The following RGS6 variants were observed in gnomAD, a reference collection of about 807,000 sequenced individuals.
RGS6 encodes regulator of G-protein signaling 6.
A neutral mutation model predicts 78.5 loss-of-function variants in RGS6; 30 were observed. The ratio of observed to expected loss-of-function variants is 0.38; its 90% confidence interval spans 0.29 to 0.52. RGS6 has a LOEUF of 0.52. RGS6 is among the 20% of genes least tolerant of loss of function. RGS6 has a pLI of 0.85. For missense variants in RGS6, 495 were observed against 609.7 expected (o/e 0.81, Z 1.98); for synonymous variants, 206 against 206.0 (o/e 1.00, Z 0.00).
intron 2 of RGS6, among the ~76,000 whole-genome samples, chr14:72,040,960 T>A (rs969736494): frequency 2.0e-5 from 3 of 150,212 alleles, no homozygotes; most frequent in African/African-American, 7.3e-5. Context: ...TTATTCATTC[T>A]TCATTTTTTG....
chr14:72,619,029 G>T, the RGS6 span, among the ~76,000 whole-genome samples: 1 of 152,216 alleles, frequency 6.6e-6, no homozygotes, highest in Non-Finnish European at 1.5e-5. Flanking sequence ...AGTGAGAGGG[G>T]TTCCACAGGG....
At chr14:72,063,625 A>G (rs1425695192) in intron 2 of RGS6, among the ~76,000 whole-genome samples, 3 of 152,190 alleles carry the variant, frequency 2.0e-5, no homozygotes, top group African/African-American at 7.2e-5. Flanking sequence ...TACACTTGAA[A>G]GCTGATCATT....
At position 72,251,216 on chromosome 14, in the gene RGS6, GT is replaced by G. The variant is rs1388454651; in HGVS notation, c.85-100876del. Among the ~76,000 whole-genome samples the G allele has an allele frequency of 5.3e-5, 8 of 152,332 alleles. No homozygotes were observed. In the East Asian group the frequency reaches 1.5e-3, roughly 29 times the overall value. ...AAGGTTGTCTTTTTATGCAGATAAA[GT>G]TTCTTGGGTAATTTCCTGAAGCGGT... On this transcript the variant is annotated intron_variant, in intron 2 of 17. Coordinates refer to ENST00000553525, the MANE Select transcript of RGS6 (RefSeq NM_001204424.2).
At chr14:72,301,442 A>G (rs1009697547) in intron 2 of RGS6, among the ~76,000 whole-genome samples, 6 of 151,874 alleles carry the variant, frequency 4.0e-5, no homozygotes, top group African/African-American at 1.2e-4. Context: ...TTTAGTTGAT[A>G]GAGTCATGTC....
At chr14:72,499,507 A>G (rs1012543861) in intron 13 of RGS6, among the ~76,000 whole-genome samples, 1 of 152,136 alleles carries the variant, frequency 6.6e-6, no homozygotes, top group Non-Finnish European at 1.5e-5. Flanking sequence ...TTCTTCTCTG[A>G]TGCCTCCACT....
At chr14:72,503,857 A>G (rs2096762302) in intron 13 of RGS6, among the ~76,000 whole-genome samples, 1 of 152,116 alleles carries the variant, frequency 6.6e-6, no homozygotes, top group South Asian at 2.1e-4. Flanking sequence ...GCCCTACAGC[A>G]GCTTTCTCCT....
chr14:72,397,272 G>T (rs1308523759), intron 3 of RGS6, among the ~76,000 whole-genome samples: 4 of 152,238 alleles, frequency 2.6e-5, no homozygotes, highest in Admixed American at 1.3e-4. Context: ...CACATCCCTT[G>T]TAAGTTGGAT....
chr14:72,587,801 T>C, the RGS6 span, among the ~76,000 whole-genome samples: 1 of 152,166 alleles, frequency 6.6e-6, no homozygotes, highest in Admixed American at 6.5e-5. Flanking sequence ...AGGTAAAACC[T>C]TGGGGCACAA....
chr14:71,868,730 A>G, the RGS6 span, among the ~76,000 whole-genome samples: 1 of 152,184 alleles, frequency 6.6e-6, no homozygotes, highest in African/African-American at 2.4e-5. Context: ...CATTTTCTCA[A>G]GGACTCCAGT....
chr14:72,574,599 G>T, the RGS6 span, among the ~76,000 whole-genome samples: 2 of 152,242 alleles, frequency 1.3e-5, no homozygotes, highest in South Asian at 2.1e-4. Context: ...AGAGTTGAGT[G>T]AAAGTGGTTC....
intron 2 of RGS6, among the ~76,000 whole-genome samples, chr14:72,289,766 C>G (rs2063245697): frequency 6.6e-6 from 1 of 152,180 alleles, no homozygotes; most frequent in Admixed American, 6.5e-5. Context: ...CCACAGTTCT[C>G]ACATACTTAC....
At chr14:72,225,982 G>T (rs896285832) in intron 2 of RGS6, among the ~76,000 whole-genome samples, 48 of 152,280 alleles carry the variant, frequency 3.2e-4, no homozygotes, top group African/African-American at 1.1e-3. Flanking sequence ...TGCTGTTATG[G>T]TTAATTTTGG....
At chr14:72,104,154 T>TAGAG (rs1252867190) in intron 2 of RGS6, among the ~76,000 whole-genome samples, 3 of 152,172 alleles carry the variant, frequency 2.0e-5, no homozygotes, top group Non-Finnish European at 2.9e-5. Flanking sequence ...GATGGTATCG[T>TAGAG]AGAGGTGTTT....
Position 72,181,309 on chromosome 14 carries a change from T to G in RGS6, c.85-170786T>G, listed in dbSNP as rs542459193. ...GTGATTATTATGCCTCAGGGACAAGTCATATTTAAGACCTGATAGTTTGAT... is the reference window on the plus strand; with the variant it reads ...GTGATTATTATGCCTCAGGGACAAGGCATATTTAAGACCTGATAGTTTGAT... On this transcript the variant is annotated intron_variant, in intron 2 of 17. Transcript: ENST00000553525. Among the ~76,000 whole-genome samples, 212 of 152,288 alleles carry G rather than the reference T, an allele frequency of 1.4e-3. 2 individuals are homozygous for G. The highest frequency in any genetic ancestry group is 4.8e-3 in the African/African-American group (201 of 41,552).
At position 72,363,848 on chromosome 14, in the gene RGS6, G is replaced by A. The variant is rs149239134; in HGVS notation, c.184+11654G>A. 6.6e-5 allele frequency among the ~76,000 whole-genome samples: 10 copies of A among 152,034 alleles called. No individual in the cohort carries two copies. The East Asian group carries it at 1.7e-3, about 26-fold the overall frequency. On this transcript the variant is annotated intron_variant, in intron 3 of 17. Transcript: ENST00000553525. Reference sequence around the variant, plus strand: ...AGGGCAGTCAGTGCCTCACTCTCAAGATGTGCAGATGTGTGAAAGACTCAT... The same window carrying A: ...AGGGCAGTCAGTGCCTCACTCTCAAAATGTGCAGATGTGTGAAAGACTCAT...
At chr14:72,043,153 T>C (rs1321912573) in intron 2 of RGS6, among the ~76,000 whole-genome samples, 1 of 152,170 alleles carries the variant, frequency 6.6e-6, no homozygotes, top group African/African-American at 2.4e-5. Context: ...GTGTTAATAC[T>C]TTTTTTAGAT....
At chr14:72,084,660 G>A (rs1291104229) in intron 2 of RGS6, among the ~76,000 whole-genome samples, 1 of 152,060 alleles carries the variant, frequency 6.6e-6, no homozygotes. Context: ...TGCTTTTATT[G>A]TGTTTAGCAA....
At chr14:71,897,875 A>G in the RGS6 span, among the ~76,000 whole-genome samples, 18 of 152,156 alleles carry the variant, frequency 1.2e-4, no homozygotes, top group Non-Finnish European at 2.2e-4. Flanking sequence ...CAAATGTTCA[A>G]TGCTCACTTA....
At chr14:71,993,767 C>T (rs2095071469) in intron 2 of RGS6, among the ~76,000 whole-genome samples, 1 of 152,018 alleles carries the variant, frequency 6.6e-6, no homozygotes, top group Non-Finnish European at 1.5e-5. Context: ...ATCAGTGGGC[C>T]ACAGGGAATC....
Sources: allele counts gnomAD v4.1 joint callset (sites outside exome capture counted in the v4.1 genomes callset), GRCh38; gene constraint gnomAD v4.1.1; transcripts MANE v1.5; gene names NCBI Gene and HGNC (gene_info 2026-07-23, HGNC 2026-07-21).